NKAIN3: variants seen among roughly 807,000 people sequenced by gnomAD.
The protein encoded by NKAIN3 is sodium/potassium-transporting ATPase subunit beta-1-interacting protein 3.
Under a neutral mutation model 30.2 loss-of-function variants are expected in NKAIN3, and 25 were observed. The observed-to-expected ratio is 0.83, with a 90% CI of 0.60 to 1.16. The LOEUF (loss-of-function observed/expected upper bound fraction) is 1.16. Among genes scored for constraint, NKAIN3 ranks in the 50% most tolerant of loss-of-function variants. The probability of loss-of-function intolerance (pLI) is 0.00; values close to 1 mark genes in which losing one functional copy is unlikely to be tolerated. For synonymous variants in NKAIN3, 91 were observed against 89.6 expected, an observed-to-expected ratio of 1.02 and a Z score of -0.09; for missense variants, 225 against 254.1, an observed-to-expected ratio of 0.89 and a Z score of 0.78.
chr8:62,905,913 T>C (rs1171498808), intron 4 of NKAIN3, among the ~76,000 whole-genome samples: 1 of 152,224 alleles, frequency 6.6e-6, no homozygotes, highest in Non-Finnish European at 1.5e-5. Flanking sequence ...AGATATTCTA[T>C]TAACCTCTAC....
chr8:62,939,547 G>A (rs1231866811), intron 5 of NKAIN3, among the ~76,000 whole-genome samples: 4 of 152,302 alleles, frequency 2.6e-5, no homozygotes, highest in East Asian at 3.9e-4. Flanking sequence ...CAGATTAAGA[G>A]CAGATTTCTC....
At chr8:62,337,215 T>G (rs1160643124) in intron 1 of NKAIN3, among the ~76,000 whole-genome samples, 6 of 152,044 alleles carry the variant, frequency 3.9e-5, no homozygotes, top group African/African-American at 1.4e-4. Flanking sequence ...TTCTGCCATT[T>G]TCACTGGTCA....
chr8:62,879,847 A>G (rs1001803643), intron 4 of NKAIN3, among the ~76,000 whole-genome samples: 1 of 152,188 alleles, frequency 6.6e-6, no homozygotes, highest in Non-Finnish European at 1.5e-5. Context: ...CCAAGGACTC[A>G]GAATCTGACT....
At chr8:62,259,697 A>C (rs1005951387) in intron 1 of NKAIN3, among the ~76,000 whole-genome samples, 1 of 152,278 alleles carries the variant, frequency 6.6e-6, no homozygotes, top group South Asian at 2.1e-4. Context: ...AGTATAGGAG[A>C]ATAGATATTT....
At chr8:62,548,321 T>C (rs1273089327) in intron 1 of NKAIN3, among the ~76,000 whole-genome samples, 1 of 152,228 alleles carries the variant, frequency 6.6e-6, no homozygotes, top group Non-Finnish European at 1.5e-5. Flanking sequence ...GATATAATAC[T>C]TGGAGCATGT....
At chr8:62,863,310 T>C (rs776201481) in intron 4 of NKAIN3, 2 of 1,549,522 alleles carry the variant, frequency 1.3e-6, no homozygotes, top group Admixed American at 1.9e-5. Context: ...CTGCAGACCC[T>C]GAAGGAGGAG....
chr8:62,723,254 C>G (rs1815150175), intron 3 of NKAIN3, among the ~76,000 whole-genome samples: 2 of 151,810 alleles, frequency 1.3e-5, no homozygotes, highest in African/African-American at 4.8e-5. Flanking sequence ...CTTTTTCTAC[C>G]TAAGTTGAAA....
rs541266271 is a variant in NKAIN3, at chr8:62,997,404, G to GA, written c.533-1817dup. Among the ~76,000 whole-genome samples the GA allele has an allele frequency of 6.9e-4, 101 of 146,748 alleles. 1 individual carries two copies. The highest frequency in any genetic ancestry group is 1.1e-3 in the Non-Finnish European group (73 of 66,308). ...GTGAGTAAGAATGAAGAGGTGAACA[G>GA]AAAAAAAAAATGTTGGGTTTGTTTT... On this transcript the variant is annotated intron_variant, in intron 5 of 5. Coordinates refer to the NKAIN3 transcript ENST00000519049.
intron 1 of NKAIN3, among the ~76,000 whole-genome samples, chr8:62,412,037 G>A (rs1056838904): frequency 8.6e-5 from 13 of 151,976 alleles, no homozygotes; most frequent in Non-Finnish European, 1.2e-4. Context: ...GTCATTCTTC[G>A]CAAAATGAGA....
At chr8:62,953,353 A>C (rs1468614567) in intron 5 of NKAIN3, among the ~76,000 whole-genome samples, 1 of 152,228 alleles carries the variant, frequency 6.6e-6, no homozygotes, top group African/African-American at 2.4e-5. Flanking sequence ...TGGAAAGAAT[A>C]TTACAAAAAT....
chr8:62,914,483 C>T (rs1281627288), intron 4 of NKAIN3, among the ~76,000 whole-genome samples: 1 of 150,938 alleles, frequency 6.6e-6, no homozygotes, highest in Non-Finnish European at 1.5e-5. Context: ...CATGTACCCC[C>T]AAACCTAAAA....
intron 1 of NKAIN3, among the ~76,000 whole-genome samples, chr8:62,505,209 G>A (rs1453582845): frequency 2.6e-5 from 4 of 152,188 alleles, no homozygotes; most frequent in African/African-American, 7.2e-5. Context: ...ACATTTATCA[G>A]TTAAGATTTG....
intron 3 of NKAIN3, among the ~76,000 whole-genome samples, chr8:62,672,670 C>T (rs937135705): frequency 6.6e-6 from 1 of 152,162 alleles, no homozygotes; most frequent in Non-Finnish European, 1.5e-5. Flanking sequence ...ACCATGTTTG[C>T]CTCATTGTCT....
chr8:62,301,002 A>G (rs1468179474), intron 1 of NKAIN3, among the ~76,000 whole-genome samples: 1 of 152,138 alleles, frequency 6.6e-6, no homozygotes, highest in Non-Finnish European at 1.5e-5. Context: ...GTATAGAACT[A>G]TGAACAGAAG....
At chr8:62,725,597 G>T (rs1014031067) in intron 3 of NKAIN3, among the ~76,000 whole-genome samples, 2 of 152,000 alleles carry the variant, frequency 1.3e-5, no homozygotes, top group African/African-American at 4.8e-5. Flanking sequence ...AACACAATTT[G>T]TTGAAGAGAC....
At chr8:62,818,145 G>T (rs182049134) in intron 4 of NKAIN3, among the ~76,000 whole-genome samples, 1 of 152,194 alleles carries the variant, frequency 6.6e-6, no homozygotes, top group East Asian at 1.9e-4. Flanking sequence ...AAAAGCTGGA[G>T]AAAACTGCAT....
chr8:62,818,964 T>C (rs1818771223), intron 4 of NKAIN3, among the ~76,000 whole-genome samples: 1 of 151,904 alleles, frequency 6.6e-6, no homozygotes, highest in South Asian at 2.1e-4. Context: ...AACCAAATGA[T>C]AGTCATCATT....
chr8:62,514,050 G>T (rs2129750214), intron 1 of NKAIN3, among the ~76,000 whole-genome samples: 1 of 152,044 alleles, frequency 6.6e-6, no homozygotes, highest in East Asian at 1.9e-4. Context: ...GAAATGTTAG[G>T]GCCTTCCAAG....
intron 4 of NKAIN3, among the ~76,000 whole-genome samples, chr8:62,792,777 G>A (rs58901120): frequency 0.01 from 1,558 of 152,150 alleles, 25 homozygotes; most frequent in African/African-American, 0.034. Flanking sequence ...AAAAGCCAGG[G>A]AATAATATTC....
Sources: allele counts gnomAD v4.1 joint callset (sites outside exome capture counted in the v4.1 genomes callset), GRCh38; gene constraint gnomAD v4.1.1; transcripts MANE v1.5; gene names NCBI Gene and HGNC (gene_info 2026-07-23, HGNC 2026-07-21).